TTN: variants seen among roughly 807,000 people sequenced by gnomAD.
The protein encoded by TTN is titin, also known as connectin.
TTN carries 1,525 observed loss-of-function variants against 3,223.0 expected under a neutral mutation model. That is an observed-to-expected ratio of 0.47 (90% CI 0.45 to 0.49). The LOEUF (loss-of-function observed/expected upper bound fraction) is 0.49. Among genes scored for constraint, TTN ranks in the 20% least tolerant of loss-of-function variants. The probability of loss-of-function intolerance (pLI) is 0.00; values close to 1 mark genes in which losing one functional copy is unlikely to be tolerated. For missense variants in TTN, 40,786 were observed against 43,424.0 expected (o/e 0.94, Z 5.40); for synonymous variants, 14,094 against 15,161.0 (o/e 0.93, Z 5.17).
chr2:178,752,350 C>T (rs144126435), intron 47 of TTN, among the ~76,000 whole-genome samples: 1 of 151,948 alleles, frequency 6.6e-6, no homozygotes, highest in African/African-American at 2.4e-5. Context: ...AAACTTTGTT[C>T]TTTTGATGGC....
At chr2:178,546,526 G>A (rs1575449842) in intron 341 of TTN, 24 bp from the exon 342 acceptor site, 2 of 1,601,992 alleles carry the variant, frequency 1.2e-6, no homozygotes, top group Non-Finnish European at 1.7e-6. Context: ...AAACAGATAT[G>A]AATGAATATC....
At chr2:178,610,065 A>G (rs951966756) in intron 271 of TTN, 25 bp downstream of exon 271, 22 of 1,612,320 alleles carry the variant, frequency 1.4e-5, no homozygotes, top group Non-Finnish European at 1.8e-5. Flanking sequence ...GTTCTTAGCC[A>G]TAGTGCATCC....
chr2:178,785,093 G>A (rs2093070410), intron 15 of TTN, among the ~76,000 whole-genome samples: 1 of 152,106 alleles, frequency 6.6e-6, no homozygotes. Context: ...GAGATTATAA[G>A]GGAGAAGATA....
At chr2:178,649,757 TA>T (rs1463476477) in intron 211 of TTN, 59 bp downstream of exon 211, 3 of 1,570,392 alleles carry the variant, frequency 1.9e-6, no homozygotes, top group African/African-American at 1.4e-5. Flanking sequence ...CAACACACAA[TA>T]AGAAGAGTGT....
intron 47 of TTN, chr2:178,748,820 T>C (rs775302228): frequency 1.2e-6 from 2 of 1,612,054 alleles, no homozygotes; most frequent in South Asian, 2.2e-5. Context: ...TATTGCAATG[T>C]TAGATGAATC....
rs1220555799 is a variant in TTN, at chr2:178,712,743, G to A, written c.27282C>T (p.Ser9094=). 4 of 1,613,660 alleles carry A rather than the reference G, an allele frequency of 2.5e-6. No homozygotes were observed. The African/African-American group carries it at 5.3e-5, about 22-fold the overall frequency. The stretch of plus-strand genomic sequence containing the variant: ...TACAAGAAGCCTTGCCAGCTTCATT[G>A]CTAACTATGCAAGTATATTCTCCAC... ...SQSGEYTCIV[S]NEAGKASCTT... Residue 9094 remains serine (S), a synonymous_variant, in exon 94 of 363, where the codon AGC becomes AGT. Transcript: ENST00000589042.
chr2:178,621,276 A>T lies in TTN; in HGVS notation c.45442T>A (p.Phe15148Ile). 1 of 1,612,296 alleles carries T rather than the reference A, an allele frequency of 6.2e-7. No individual in the cohort carries two copies. The highest frequency in any genetic ancestry group is 1.7e-5 in the Admixed American group (1 of 59,814). The change falls in exon 246 of 363, where the codon TTT (phenylalanine) becomes ATT (isoleucine). Residue 15148 changes from phenylalanine (F) to isoleucine (I), a missense_variant. Phe to Ile is a conservative substitution (Grantham distance 21). Coordinates refer to ENST00000589042, the MANE Select transcript of TTN (RefSeq NM_001267550.2). ...EFVCSISKES[F>I]PVQWKRDDKT... ...TCATCCCTCTTCCACTGGACTGGAA[A>T]GCTTTCTTTTGATATAGAGCAGACA...
intron 149 of TTN, 83 bp from the exon 150 acceptor site, chr2:178,675,196 A>T: frequency 8.1e-6 from 7 of 862,960 alleles, no homozygotes; most frequent in Non-Finnish European, 1.2e-5. Flanking sequence ...TTCCAACATA[A>T]GAGAGTAAAT....
chr2:178,724,655 C>G, intron 71 of TTN, 117 bp from the exon 72 acceptor site: 1 of 1,071,786 alleles, frequency 9.3e-7, no homozygotes, highest in Non-Finnish European at 1.2e-6. Context: ...TGCTCTCTCT[C>G]TCGACTTTAA....
rs1690985152 is a variant in TTN at position 178,535,420 on chromosome 2, G to A, written c.101195C>T (p.Thr33732Ile). 2 of 1,613,790 alleles carry A rather than the reference G, an allele frequency of 1.2e-6. No individual in the cohort carries two copies. The highest frequency in any genetic ancestry group is 1.7e-5 in the Admixed American group (1 of 59,994). ...TCCTACACGGAGCCATCTTTCTGCA[G>A]TAGTTGCACATTTTTCAACAATGTA... ...TNYIVEKCAT[T>I]AERWLRVGQA... Residue 33732 changes from threonine to isoleucine, a missense_variant, in exon 358 of 363, where the codon ACT (threonine) becomes ATT (isoleucine). Coordinates refer to ENST00000589042, the MANE Select transcript of TTN (RefSeq NM_001267550.2).
rs541811273 is a variant in TTN, at chr2:178,780,049, T to G, written c.3680A>C (p.Lys1227Thr). 6.2e-7 allele frequency: 1 copy of G among 1,613,652 alleles called. No individual in the cohort carries two copies. The highest frequency in any genetic ancestry group is 1.3e-5 in the African/African-American group (1 of 75,050). The change falls in exon 22 of 363, where the codon AAG becomes ACG. Residue 1227 changes from lysine to threonine, a missense_variant. Transcript: ENST00000589042. ...EYEKEQALIR[K>T]KMAKDTVVVR... ...CACTACAGTATCTTTGGCCATTTTC[T>G]TCCTAATTAAGGCTTGTTCTTTTTC...
Position 178,535,142 on chromosome 2 carries a change from G to A in TTN, c.101473C>T (p.Leu33825Phe), listed in dbSNP as rs1389553978. Residue 33825 changes from leucine (L) to phenylalanine (F), a missense_variant, in exon 358 of 363, where the codon CTT becomes TTT. Transcript: ENST00000589042. ...ACAATTCCAAACTCACCACGCCCAA[G>A]ATCTTCAGCAATCATATATTTCTCA... ...LYEKYMIAED[L>F]GRGEFGIVHR... 2 of 1,613,788 alleles carry A rather than the reference G, an allele frequency of 1.2e-6. No homozygotes were observed. The highest frequency in any genetic ancestry group is 1.7e-6 in the Non-Finnish European group (2 of 1,179,836).
At chr2:178,790,484 T>C (rs1404836103) in intron 11 of TTN, among the ~76,000 whole-genome samples, 1 of 152,178 alleles carries the variant, frequency 6.6e-6, no homozygotes, top group East Asian at 1.9e-4. Flanking sequence ...TAGGAAGATA[T>C]TAAAGTGAAT....
At position 178,565,962 on chromosome 2, in the gene TTN, C is replaced by T. The variant is rs367812761; in HGVS notation, c.80170G>A (p.Glu26724Lys). 1.9e-6 allele frequency: 3 copies of T among 1,613,528 alleles called. No individual in the cohort carries two copies. The highest frequency in any genetic ancestry group is 2.5e-6 in the Non-Finnish European group (3 of 1,179,684). ...TTAGCATACGCTTTTCTGGTTGACT[C>T]ACGTTTGTCAATCACATAGTTCTTG... Reference protein sequence around the residue: ...KVKNYVIDKRESTRKAYANVS... With the variant: ...KVKNYVIDKRKSTRKAYANVS... Residue 26724 changes from glutamate (E) to lysine (K), a missense_variant, in exon 326 of 363, where the codon GAG (glutamate) becomes AAG (lysine). Transcript: ENST00000589042.
chr2:178,684,936 G>C lies in TTN; in HGVS notation c.32524C>G (p.Pro10842Ala). 1 of 1,609,190 alleles carries C rather than the reference G, an allele frequency of 6.2e-7. No individual in the cohort carries two copies. Among genetic ancestry groups the C allele is most frequent in the East Asian group, 2.2e-5 (1 of 44,830 alleles). ...GGTGGGGGCACCTTTTCCTTTTTAG[G>C]AACTGGAGCAGGAACTTTCTTTTCT... ...VPEKKVPAPV[P>A]KKEKVPPPKV... The change falls in exon 130 of 363, where the codon CCT becomes GCT. Residue 10842 changes from proline (P) to alanine (A), a missense_variant. Physicochemically the swap from Pro to Ala is conservative, Grantham distance 27 (BLOSUM62 -1). Transcript: ENST00000589042.
Position 178,799,668 on chromosome 2 carries a change from C to T in TTN, c.733G>A (p.Ala245Thr), listed in dbSNP as rs776877766. The T allele has an allele frequency of 1.2e-6, 2 of 1,614,094 alleles. No individual in the cohort carries two copies. Among genetic ancestry groups the T allele is most frequent in the East Asian group, 4.5e-5 (2 of 44,866 alleles). ...GTTTTATGTGGCAGCTGTTGCCCAG[C>T]GGCACCATCTATGACCATCTCAACT... Reference protein sequence around the residue: ...ATVEMVIDGAAGQQLPHKTPP... With the variant: ...ATVEMVIDGATGQQLPHKTPP... Residue 245 changes from alanine to threonine, a missense_variant, in exon 6 of 363, where the codon GCT becomes ACT. By Grantham distance (58) the Ala-to-Thr change is moderately conservative. Transcript: ENST00000589042.
Position 178,732,480 on chromosome 2 carries a change from G to C in TTN, c.16581C>G (p.Val5527=). 6.2e-7 allele frequency: 1 copy of C among 1,612,688 alleles called. No individual in the cohort carries two copies. The highest frequency in any genetic ancestry group is 8.5e-7 in the Non-Finnish European group (1 of 1,179,110). Residue 5527 remains valine (V), a synonymous_variant, in exon 56 of 363, where the codon GTC becomes GTG. Transcript: ENST00000589042. ...TTGCACTGCATTCCACCCCTCCAGCGACATTGCTGACTTTACATGTGTACG... is the reference window on the plus strand; with the variant it reads ...TTGCACTGCATTCCACCCCTCCAGCCACATTGCTGACTTTACATGTGTACG... ...SGTYTCKVSN[V]AGGVECSANL... is the part of the protein sequence containing the mutation.
Position 178,541,578 on chromosome 2 carries a change from G to A in TTN, c.97499C>T (p.Pro32500Leu). The A allele has an allele frequency of 6.2e-7, 1 of 1,605,536 alleles. No homozygotes were observed. The highest frequency in any genetic ancestry group is 8.5e-7 in the Non-Finnish European group (1 of 1,174,776). Residue 32500 changes from proline to leucine, a missense_variant, in exon 350 of 363, where the codon CCT (proline) becomes CTT (leucine). Pro to Leu is a moderately conservative substitution (Grantham distance 98). Transcript: ENST00000589042. ...TATCTGTAATGTTTCTGGGGGTCCA[G>A]GAATACCTGCAGCAAGACAGAGGTT... ...VIECRSSIRI[P>L]GPPETLQIFD...
rs754356257 is a variant in TTN at position 178,560,711 on chromosome 2, C to T, written c.85421G>A (p.Arg28474His). 145 of 1,613,518 alleles carry T rather than the reference C, an allele frequency of 9.0e-5. 2 individuals carry two copies. In the South Asian group the frequency reaches 1.2e-3, roughly 13 times the overall value. Residue 28474 changes from arginine (R) to histidine (H), a missense_variant, in exon 326 of 363, where the codon CGT becomes CAT. Coordinates refer to ENST00000589042, the MANE Select transcript of TTN (RefSeq NM_001267550.2). ...TAEKCSLSWG[R>H]PQEDGGADID... ...ATCTGCACCACCATCTTCTTGGGGACGTCCCCAGGAAAGAGAGCATTTCTC... is the reference window on the plus strand; with the variant it reads ...ATCTGCACCACCATCTTCTTGGGGATGTCCCCAGGAAAGAGAGCATTTCTC...
Sources: allele counts gnomAD v4.1 joint callset (sites outside exome capture counted in the v4.1 genomes callset), GRCh38; gene constraint gnomAD v4.1.1; transcripts MANE v1.5; gene names NCBI Gene and HGNC (gene_info 2026-07-23, HGNC 2026-07-21).